ITSN1: variants seen among roughly 807,000 people sequenced by gnomAD.
ITSN1 encodes the protein intersectin-1.
ITSN1 carries 58 observed loss-of-function variants against 239.8 expected under a neutral mutation model. The ratio of observed to expected loss-of-function variants is 0.24; its 90% CI spans 0.20 to 0.30. The LOEUF (loss-of-function observed/expected upper bound fraction) is 0.30, where lower values mean the gene tolerates loss of function less well. Ranked by LOEUF, ITSN1 falls within the 10% of genes least tolerant of loss-of-function variation. The pLI, the probability that ITSN1 is intolerant of heterozygous loss-of-function variation, is 1.00. For synonymous variants in ITSN1, 780 were observed against 770.8 expected, an observed-to-expected ratio of 1.01 and a Z score of -0.20; for missense variants, 1,558 against 2,103.3, an observed-to-expected ratio of 0.74 and a Z score of 5.07.
chr21:33,852,419 T>G (rs931465700), intron 29 of ITSN1, among the ~76,000 whole-genome samples: 4 of 152,226 alleles, frequency 2.6e-5, no homozygotes, highest in African/African-American at 9.6e-5. Flanking sequence ...GCCCTTGAAA[T>G]TTTAATAATC....
In ITSN1 at chr21:33,843,833, T is replaced by C. The variant is rs117772395; in HGVS notation, c.3661+7201T>C. ...GTAACCTCTTTGTGCTTCAGTTTCC[T>C]CATTTACATATGGAGAGATAATGAT... On this transcript the variant is annotated intron_variant, in intron 29 of 39. Coordinates refer to ENST00000381318, the MANE Select transcript of ITSN1 (RefSeq NM_003024.3). Among the ~76,000 whole-genome samples, 83 of 152,340 alleles carry C rather than the reference T, an allele frequency of 5.4e-4. 2 individuals carry two copies. The East Asian group carries it at 0.016, about 29-fold the overall frequency.
At chr21:33,718,698 G>A in intron 1 of ITSN1, 99 bp from the exon 2 acceptor site, 1 of 780,212 alleles carries the variant, frequency 1.3e-6, no homozygotes, top group Non-Finnish European at 2.2e-6. Context: ...TCTGGCTCTA[G>A]TATTAGTCCT....
chr21:33,666,774 TG>T (rs2089959996), intron 1 of ITSN1, among the ~76,000 whole-genome samples: 1 of 152,306 alleles, frequency 6.6e-6, no homozygotes, highest in South Asian at 2.1e-4. Flanking sequence ...TCATAGTAAT[TG>T]TTGAGAGTTA....
At chr21:33,675,197 A>G (rs1327959425) in intron 1 of ITSN1, among the ~76,000 whole-genome samples, 1 of 152,064 alleles carries the variant, frequency 6.6e-6, no homozygotes, top group Non-Finnish European at 1.5e-5. Context: ...GTTGTAGCTG[A>G]TGCTCTTCAT....
chr21:33,711,548 T>G (rs1171294486), intron 1 of ITSN1, among the ~76,000 whole-genome samples: 1 of 152,134 alleles, frequency 6.6e-6, no homozygotes, highest in Non-Finnish European at 1.5e-5. Context: ...CTTTCTGTTT[T>G]TTTTTCTTTC....
chr21:33,677,677 G>A (rs2090678912), intron 1 of ITSN1, among the ~76,000 whole-genome samples: 1 of 151,902 alleles, frequency 6.6e-6, no homozygotes, highest in South Asian at 2.1e-4. Flanking sequence ...ACCCTAATGC[G>A]CACACCCCAG....
chr21:33,803,128 T>C (rs755434336), intron 20 of ITSN1, among the ~76,000 whole-genome samples: 4 of 152,230 alleles, frequency 2.6e-5, no homozygotes, highest in Non-Finnish European at 5.9e-5. Flanking sequence ...CAAAATAGCA[T>C]TGTTCCTCTG....
chr21:33,794,907 A>G (rs1238479864), intron 17 of ITSN1, among the ~76,000 whole-genome samples: 2 of 152,190 alleles, frequency 1.3e-5, no homozygotes, highest in Admixed American at 6.5e-5. Flanking sequence ...ACTTTAGTAC[A>G]AAAGGGGGAA....
In ITSN1 at chr21:33,820,210, TA is replaced by T. The variant is rs922741067; in HGVS notation, c.3016+889del. Among the ~76,000 whole-genome samples the T allele has an allele frequency of 3.9e-5, 6 of 152,268 alleles. No individual in the cohort carries two copies. The East Asian group carries it at 9.7e-4, about 25-fold the overall frequency. On this transcript the variant is annotated intron_variant, in intron 24 of 39. Coordinates refer to ENST00000381318, the MANE Select transcript of ITSN1 (RefSeq NM_003024.3). ...CTTTCTCAATCTCCACTTGGTGACA[TA>T]ATCCTAAATATTGTATGGATGCCAA...
intron 5 of ITSN1, among the ~76,000 whole-genome samples, chr21:33,748,217 A>G (rs1418086050): frequency 6.6e-6 from 1 of 152,210 alleles, no homozygotes; most frequent in Non-Finnish European, 1.5e-5. Context: ...CTGTAATCCC[A>G]GCACCGTGAG....
At chr21:33,643,527 AC>A (rs1264977175) in intron 1 of ITSN1, 1 of 151,986 alleles carries the variant, frequency 6.6e-6, no homozygotes, top group Non-Finnish European at 1.5e-5. Context: ...TTCGGAGATT[AC>A]ATTTCCTATG....
intron 37 of ITSN1, 45 bp from the exon 38 acceptor site, chr21:33,885,394 T>C (rs1259949816): frequency 6.5e-7 from 1 of 1,528,098 alleles, no homozygotes; most frequent in Non-Finnish European, 9.1e-7. Flanking sequence ...GGGAAAGGTG[T>C]GGCACGTTCA....
At chr21:33,678,789 CTG>C (rs2090753759) in intron 1 of ITSN1, among the ~76,000 whole-genome samples, 1 of 152,208 alleles carries the variant, frequency 6.6e-6, no homozygotes, top group Non-Finnish European at 1.5e-5. Flanking sequence ...TCATGGCTCA[CTG>C]CAACCTCTGC....
intron 1 of ITSN1, among the ~76,000 whole-genome samples, chr21:33,707,247 T>C (rs1008977928): frequency 6.6e-6 from 1 of 152,180 alleles, no homozygotes; most frequent in East Asian, 1.9e-4. Flanking sequence ...AACATGTAAT[T>C]GAAGTGTACT....
chr21:33,735,320 T>G, intron 5 of ITSN1, 116 bp downstream of exon 5: 1 of 1,033,166 alleles, frequency 9.7e-7, no homozygotes, highest in Non-Finnish European at 1.5e-6. Flanking sequence ...TAATTCTGTC[T>G]GAAAAATGAT....
In ITSN1 at chr21:33,888,114, TGGTCCCTC is replaced by T. The variant is rs67686176; in HGVS notation, c.5018-37_5018-30del. ...AGACATGTGCCTCGAAGAGAGGGAA[TGGTCCCTC>T]TTAGGAGGGTCTGTTTGTTCTCTTT... On this transcript the variant is annotated intron_variant, in intron 39 of 39. Transcript: ENST00000381318. The T allele has an allele frequency of 0.088, 141,611 of 1,601,846 alleles. 7,000 individuals carry two copies. Among genetic ancestry groups the T allele is most frequent in the African/African-American group, 0.16 (12,176 of 74,578 alleles).
chr21:33,809,185 T>C (rs567372449), intron 20 of ITSN1, among the ~76,000 whole-genome samples: 9 of 152,300 alleles, frequency 5.9e-5, no homozygotes, highest in African/African-American at 2.2e-4. Context: ...AGTGTGTTCA[T>C]GTGGGTGTAA....
chr21:33,654,328 T>G (rs894971778), intron 1 of ITSN1, among the ~76,000 whole-genome samples: 2 of 152,016 alleles, frequency 1.3e-5, no homozygotes, highest in African/African-American at 4.8e-5. Context: ...AGTGCTGGGC[T>G]TACGGGCATG....
At chr21:33,842,383 A>G (rs1026572808) in intron 29 of ITSN1, among the ~76,000 whole-genome samples, 1 of 152,220 alleles carries the variant, frequency 6.6e-6, no homozygotes, top group Non-Finnish European at 1.5e-5. Context: ...TGTTTCATTT[A>G]TAAAAAATGA....
Sources: allele counts gnomAD v4.1 joint callset (sites outside exome capture counted in the v4.1 genomes callset), GRCh38; gene constraint gnomAD v4.1.1; transcripts MANE v1.5; gene names NCBI Gene and HGNC (gene_info 2026-07-23, HGNC 2026-07-21).